Variants in FANCC observed in about 807,000 individuals in gnomAD.
FANCC encodes FA complementation group C.
A neutral mutation model predicts 71.3 loss-of-function variants in FANCC; 55 were observed. That is an observed-to-expected ratio of 0.77 (90% CI 0.62 to 0.97). The LOEUF (loss-of-function observed/expected upper bound fraction) is 0.97. Ranked by LOEUF, FANCC falls within the 50% of genes least tolerant of loss-of-function variation. The probability of loss-of-function intolerance (pLI) is 0.00; values close to 1 mark genes in which losing one functional copy is unlikely to be tolerated. For synonymous variants in FANCC, 275 were observed against 244.9 expected (o/e 1.12, Z -1.15); for missense variants, 678 against 670.9 (o/e 1.01, Z -0.12).
intron 7 of FANCC, 36 bp from the exon 8 acceptor site, chr9:95,135,538 A>G: frequency 6.3e-7 from 1 of 1,593,622 alleles, no homozygotes; most frequent in Non-Finnish European, 8.6e-7. Flanking sequence ...TTAAACAGAA[A>G]TGGCTCACTG....
chr9:95,253,833 A>C (rs2136127386), intron 1 of FANCC, among the ~76,000 whole-genome samples: 1 of 152,122 alleles, frequency 6.6e-6, no homozygotes, highest in East Asian at 1.9e-4. Flanking sequence ...GGGATGAGAA[A>C]CTGTTCCACT....
At chr9:95,256,606 A>AC (rs1432059757) in intron 1 of FANCC, among the ~76,000 whole-genome samples, 1 of 152,132 alleles carries the variant, frequency 6.6e-6, no homozygotes, top group Non-Finnish European at 1.5e-5. Context: ...AAGACTATCG[A>AC]CTCTGTGAAG....
chr9:95,111,072 G>A (rs969330918), intron 13 of FANCC: 13 of 1,495,290 alleles, frequency 8.7e-6, no homozygotes, highest in African/African-American at 4.2e-5. Context: ...GCTGGGGAGC[G>A]AGACAGGGCC....
At chr9:95,228,987 G>C (rs899877932) in intron 4 of FANCC, among the ~76,000 whole-genome samples, 1 of 151,770 alleles carries the variant, frequency 6.6e-6, no homozygotes, top group Admixed American at 6.5e-5. Context: ...CGAGGCTCCT[G>C]AACAGAGACA....
intron 8 of FANCC, among the ~76,000 whole-genome samples, chr9:95,129,522 G>C (rs1476019719): frequency 6.6e-6 from 1 of 152,210 alleles, no homozygotes; most frequent in African/African-American, 2.4e-5. Flanking sequence ...TAACACACCA[G>C]AGGTCACGCT....
chr9:95,300,642 A>G (rs1176457748), intron 1 of FANCC, among the ~76,000 whole-genome samples: 1 of 152,036 alleles, frequency 6.6e-6, no homozygotes, highest in Non-Finnish European at 1.5e-5. Flanking sequence ...TTTAGTAGAG[A>G]CGGAGTTTCT....
chr9:95,169,749 G>C (rs1268322313), intron 6 of FANCC, among the ~76,000 whole-genome samples: 1 of 152,186 alleles, frequency 6.6e-6, no homozygotes, highest in Non-Finnish European at 1.5e-5. Context: ...ATAATTTTTT[G>C]GGATGTATGC....
chr9:95,267,207 G>T (rs1316701334), intron 1 of FANCC, among the ~76,000 whole-genome samples: 1 of 152,136 alleles, frequency 6.6e-6, no homozygotes, highest in Admixed American at 6.5e-5. Flanking sequence ...TAGCACCCTT[G>T]CTGGAAGGTG....
chr9:95,126,216 T>G (rs930134192), intron 9 of FANCC, among the ~76,000 whole-genome samples: 1 of 152,226 alleles, frequency 6.6e-6, no homozygotes, highest in African/African-American at 2.4e-5. Context: ...CTACCCTTTA[T>G]TCTGAGCTGA....
At chr9:95,167,728 T>C (rs1472364773) in intron 6 of FANCC, among the ~76,000 whole-genome samples, 1 of 152,178 alleles carries the variant, frequency 6.6e-6, no homozygotes, top group Non-Finnish European at 1.5e-5. Flanking sequence ...TTTCATTTAG[T>C]TGTTTATCTG....
rs879559 is a variant in FANCC at position 95,124,030 on chromosome 9, G to T, written c.996+1056C>A. ...GAAGTGTGAGGATCACCTGAGCTTG[G>T]GGGGTTGAGACTGCAGTAAACTGAG... On this transcript the variant is annotated intron_variant, in intron 10 of 14. Coordinates refer to ENST00000289081, the MANE Select transcript of FANCC (RefSeq NM_000136.3). 0.22 allele frequency among the ~76,000 whole-genome samples: 33,333 copies of T among 149,354 alleles called. 4,775 individuals carry two copies. Among genetic ancestry groups the T allele is most frequent in the Non-Finnish European group, 0.32 (21,706 of 67,610 alleles).
At chr9:95,185,413 A>G (rs1826651602) in intron 4 of FANCC, among the ~76,000 whole-genome samples, 1 of 152,368 alleles carries the variant, frequency 6.6e-6, no homozygotes, top group East Asian at 1.9e-4. Context: ...TGCATCCTTT[A>G]GCGAAGTAAT....
intron 6 of FANCC, among the ~76,000 whole-genome samples, chr9:95,152,395 C>T (rs1180229905): frequency 6.6e-6 from 1 of 152,154 alleles, no homozygotes; most frequent in Admixed American, 6.5e-5. Flanking sequence ...GAAGGAAGTA[C>T]ATGAACAAGC....
intron 4 of FANCC, among the ~76,000 whole-genome samples, chr9:95,214,269 A>T (rs1405084726): frequency 6.6e-6 from 1 of 152,116 alleles, no homozygotes; most frequent in Non-Finnish European, 1.5e-5. Flanking sequence ...TCTACAAAAA[A>T]CATATTTGGA....
intron 14 of FANCC, among the ~76,000 whole-genome samples, chr9:95,102,400 A>T (rs1359103493): frequency 6.6e-6 from 1 of 152,226 alleles, no homozygotes; most frequent in Non-Finnish European, 1.5e-5. Flanking sequence ...GCCTCAAGGC[A>T]TTCGTACTTG....
chr9:95,266,323 G>A (rs192639683), intron 1 of FANCC, among the ~76,000 whole-genome samples: 56 of 152,180 alleles, frequency 3.7e-4, no homozygotes, highest in African/African-American at 1.3e-3. Context: ...TTAATTCAGC[G>A]TGATCAATGA....
intron 6 of FANCC, among the ~76,000 whole-genome samples, chr9:95,154,245 CAAAAAAAAAAAA>C (rs58720791): frequency 7.0e-4 from 35 of 49,946 alleles, no homozygotes; most frequent in African/African-American, 2.5e-3. Context: ...GACTCCGTCT[CAAAAAAAAAAAA>C]AAAAAAAAAA....
intron 1 of FANCC, among the ~76,000 whole-genome samples, chr9:95,281,223 A>G (rs1431952172): frequency 6.6e-6 from 1 of 152,130 alleles, no homozygotes; most frequent in African/African-American, 2.4e-5. Context: ...TTTAATCCAA[A>G]TAACACTACC....
chr9:95,127,585 G>A (rs1340726190), intron 8 of FANCC, among the ~76,000 whole-genome samples: 5 of 152,202 alleles, frequency 3.3e-5, no homozygotes, highest in African/African-American at 1.2e-4. Flanking sequence ...TCCGCTGTGC[G>A]CCCAGGGGGC....
Sources: allele counts gnomAD v4.1 joint callset (sites outside exome capture counted in the v4.1 genomes callset), GRCh38; gene constraint gnomAD v4.1.1; transcripts MANE v1.5; gene names NCBI Gene and HGNC (gene_info 2026-07-23, HGNC 2026-07-21).